Variants in VPS13A observed in about 807,000 individuals in gnomAD.
VPS13A encodes vacuolar protein sorting 13 homolog A.
A neutral mutation model predicts 390.9 loss-of-function variants in VPS13A; 264 were observed. The ratio of observed to expected loss-of-function variants is 0.68; its 90% CI spans 0.61 to 0.75. VPS13A has a LOEUF of 0.75. VPS13A is among the 30% of genes least tolerant of loss of function. VPS13A has a pLI of 0.00. For missense variants in VPS13A, 3,409 were observed against 3,733.9 expected, an observed-to-expected ratio of 0.91 and a Z score of 2.27; for synonymous variants, 1,231 against 1,227.1, an observed-to-expected ratio of 1.00 and a Z score of -0.07.
chr9:77,244,831 T>A (rs116957572), intron 19 of VPS13A, among the ~76,000 whole-genome samples: 8 of 151,940 alleles, frequency 5.3e-5, no homozygotes, highest in Non-Finnish European at 1.2e-4. Flanking sequence ...ATGCCCCAAT[T>A]TAGTCTTGGT....
chr9:77,177,882 C>A, intron 1 of VPS13A, 78 bp downstream of exon 1: 1 of 1,347,490 alleles, frequency 7.4e-7, no homozygotes, highest in Non-Finnish European at 1.0e-6. Context: ...GTCCTGCGTT[C>A]TCGGGGCTTC....
At chr9:77,219,458 G>A (rs1431860550) in intron 10 of VPS13A, among the ~76,000 whole-genome samples, 1 of 152,072 alleles carries the variant, frequency 6.6e-6, no homozygotes, top group Non-Finnish European at 1.5e-5. Context: ...TATGGGTTCA[G>A]CCAAGCAGGT....
At chr9:77,397,541 CATT>C (rs1342912557) in intron 68 of VPS13A, among the ~76,000 whole-genome samples, 1 of 151,984 alleles carries the variant, frequency 6.6e-6, no homozygotes, top group Admixed American at 6.6e-5. Context: ...TCATATTTTG[CATT>C]ATTTTTCAGA....
chr9:77,255,603 ATTGT>A (rs1323704029), intron 22 of VPS13A, among the ~76,000 whole-genome samples: 2 of 152,042 alleles, frequency 1.3e-5, no homozygotes, highest in South Asian at 2.1e-4. Context: ...TCAGTTTTTG[ATTGT>A]TTGGTAGAAT....
chr9:77,295,205 A>G (rs1365083807), intron 32 of VPS13A, among the ~76,000 whole-genome samples: 1 of 152,214 alleles, frequency 6.6e-6, no homozygotes, highest in South Asian at 2.1e-4. Context: ...ACAAATATAA[A>G]TAAGCTCTCT....
chr9:77,367,573 A>G (rs934671071), intron 61 of VPS13A, among the ~76,000 whole-genome samples: 7 of 152,226 alleles, frequency 4.6e-5, no homozygotes, highest in African/African-American at 1.7e-4. Context: ...TTACTGTATC[A>G]GGTATATGCT....
intron 32 of VPS13A, 149 bp from the exon 33 acceptor site, chr9:77,295,393 A>G (rs1827923058): frequency 1.6e-6 from 1 of 625,084 alleles, no homozygotes; most frequent in Admixed American, 3.6e-5. Flanking sequence ...TTAAGATTTA[A>G]TATAGACAGT....
chr9:77,331,279 C>T (rs1282434233), intron 45 of VPS13A, among the ~76,000 whole-genome samples: 1 of 152,000 alleles, frequency 6.6e-6, no homozygotes, highest in Admixed American at 6.6e-5. Flanking sequence ...TTCATTTTTA[C>T]TAAGTTTTTG....
In VPS13A at chr9:77,337,464, C is replaced by CATACA; in HGVS notation, c.6306_6310dup (p.Ile2104AsnfsTer3). 6.2e-7 allele frequency: 1 copy of CATACA among 1,613,556 alleles called. No individual in the cohort carries two copies. ...TATTCAGAAGATGGTTGGGATTTACCATACATAATGCATTTGTGGCCACCT... is the reference window on the plus strand; with the variant it reads ...TATTCAGAAGATGGTTGGGATTTACCATACAATACATAATGCATTTGTGGCCACCT... On this transcript the variant is annotated frameshift_variant, in exon 47 of 72. Transcript: ENST00000360280. LOFTEE classifies it high-confidence loss of function.
At chr9:77,269,688 A>T (rs1166593376) in intron 23 of VPS13A, among the ~76,000 whole-genome samples, 1 of 152,210 alleles carries the variant, frequency 6.6e-6, no homozygotes, top group South Asian at 2.1e-4. Context: ...TTAAGTTTTT[A>T]AAAATTGGTT....
At chr9:77,336,958 G>A (rs538565303) in intron 46 of VPS13A, among the ~76,000 whole-genome samples, 1 of 151,484 alleles carries the variant, frequency 6.6e-6, no homozygotes, top group East Asian at 1.9e-4. Flanking sequence ...CACCATGCCC[G>A]GCTAATTTTT....
chr9:77,377,041 G>T (rs918261413), intron 67 of VPS13A, among the ~76,000 whole-genome samples: 4 of 152,120 alleles, frequency 2.6e-5, no homozygotes, highest in Non-Finnish European at 4.4e-5. Flanking sequence ...TCAATTTGGG[G>T]AGTGTAGCCA....
At chr9:77,411,594 C>T (rs780927369) in intron 71 of VPS13A, among the ~76,000 whole-genome samples, 6 of 131,862 alleles carry the variant, frequency 4.6e-5, no homozygotes, top group Non-Finnish European at 7.8e-5. Context: ...ACCTGGGAGG[C>T]GGAGCTTGCA....
At position 77,353,424 on chromosome 9, in the gene VPS13A, A is replaced by G. The variant is rs200991231; in HGVS notation, c.7435A>G (p.Ile2479Val). The G allele has an allele frequency of 3.8e-6, 6 of 1,599,258 alleles. No homozygotes were observed. The highest frequency in any genetic ancestry group is 2.3e-5 in the East Asian group (1 of 44,358). ...TTTATTCTAGGATATGATGATGCCT[A>G]TAGATTTGGGGGAAAAGACAATATA... ...VTQKDDMMMP[I>V]DLGEKTIYLV... The change falls in exon 54 of 72, where the codon ATA (isoleucine) becomes GTA (valine). Residue 2479 changes from isoleucine (I) to valine (V), a missense_variant. Around this residue, in one of 5 missense-constraint regions of VPS13A, gnomAD observed 2,717 missense variants for 2,917.4 expected, o/e 0.93. Transcript: ENST00000360280.
intron 52 of VPS13A, among the ~76,000 whole-genome samples, chr9:77,347,740 T>C (rs1055265791): frequency 6.6e-6 from 1 of 152,146 alleles, no homozygotes; most frequent in Non-Finnish European, 1.5e-5. Flanking sequence ...ATAAGAAATA[T>C]AATCATATCT....
At position 77,293,458 on chromosome 9, in the gene VPS13A, G is replaced by C. The variant is rs922520437; in HGVS notation, c.3457G>C (p.Val1153Leu). Reference protein sequence around the residue: ...NVVDIQVNLIVGCIEVVFVTK... With the variant: ...NVVDIQVNLILGCIEVVFVTK... ...GGTTGACATTCAGGTTAATTTAATA[G>C]TTGGTTGCATTGAAGTAGTTTTTGT... Residue 1153 changes from valine to leucine, a missense_variant, in exon 32 of 72, where the codon GTT (valine) becomes CTT (leucine). Coordinates refer to ENST00000360280, the MANE Select transcript of VPS13A (RefSeq NM_033305.3). 1 of 1,603,108 alleles carries C rather than the reference G, an allele frequency of 6.2e-7. No homozygotes were observed. Among genetic ancestry groups the C allele is most frequent in the Non-Finnish European group, 8.5e-7 (1 of 1,174,972 alleles).
chr9:77,378,386 G>A (rs1436841578), intron 67 of VPS13A, among the ~76,000 whole-genome samples: 3 of 151,988 alleles, frequency 2.0e-5, no homozygotes, highest in Non-Finnish European at 4.4e-5. Context: ...GTTTTTATAG[G>A]AATTTGTTCA....
At position 77,366,757 on chromosome 9, in the gene VPS13A, A is replaced by C. The variant is rs752608628; in HGVS notation, c.8356A>C (p.Arg2786=). 30 of 1,612,836 alleles carry C rather than the reference A, an allele frequency of 1.9e-5. No individual in the cohort carries two copies. In the Admixed American group the frequency reaches 2.0e-4, roughly 11 times the overall value. The change falls in exon 61 of 72, where the codon AGA becomes CGA. Residue 2786 remains arginine, a synonymous_variant. Coordinates refer to ENST00000360280, the MANE Select transcript of VPS13A (RefSeq NM_033305.3). Reference sequence around the variant, plus strand: ...TTTAAGTGTTTCACTGAGTTCCGGCAGAGAAGAAGCTAAAGATTCAAAACA... The same window carrying C: ...TTTAAGTGTTTCACTGAGTTCCGGCCGAGAAGAAGCTAAAGATTCAAAACA... ...LHLSVSLSSG[R]EEAKDSKQNG...
rs7023332 is a variant in VPS13A, at chr9:77,224,078, C to T, written c.1162-1848C>T. 1.5e-3 allele frequency among the ~76,000 whole-genome samples: 225 copies of T among 152,248 alleles called. 2 individuals carry two copies. Among genetic ancestry groups the T allele is most frequent in the African/African-American group, 5.2e-3 (216 of 41,542 alleles). ...CGGAACAGCAAAGCCTGGATGACAA[C>T]ATATCTGTTTACAACATTTTAAACC... is the stretch of plus-strand genomic sequence containing the variant. On this transcript the variant is annotated intron_variant, in intron 13 of 71. Transcript: ENST00000360280.
Sources: gnomAD v4.1 joint callset for allele counts (sites outside exome capture counted in the v4.1 genomes callset) on GRCh38, gnomAD v4.1.1 for gene constraint, gnomAD v4.1.1 regional missense constraint, MANE v1.5 for transcripts, NCBI Gene and HGNC (gene_info 2026-07-23, HGNC 2026-07-21) for gene names.